CEP128: variants seen among roughly 807,000 people sequenced by gnomAD.
The protein encoded by CEP128 is centrosomal protein 128kDa.
A neutral mutation model predicts 156.7 loss-of-function variants in CEP128; 132 were observed. That is an observed-to-expected ratio of 0.84 (90% CI 0.73 to 0.97). The LOEUF is 0.97. Among genes scored for constraint, CEP128 ranks in the 50% least tolerant of loss-of-function variants. The pLI is 0.00. For missense variants in CEP128, 1,252 were observed against 1,281.9 expected (o/e 0.98, Z 0.36); for synonymous variants, 469 against 448.9 (o/e 1.04, Z -0.57).
chr14:80,829,240 T>A (rs2140035065), intron 13 of CEP128, among the ~76,000 whole-genome samples: 1 of 152,256 alleles, frequency 6.6e-6, no homozygotes, highest in Admixed American at 6.5e-5. Context: ...TTGTTCAAAT[T>A]AAGAAAATCA....
At chr14:80,735,005 GA>G (rs1174012127) in intron 19 of CEP128, among the ~76,000 whole-genome samples, 1 of 151,956 alleles carries the variant, frequency 6.6e-6, no homozygotes, top group East Asian at 1.9e-4. Context: ...CAAACCATAT[GA>G]CCTAACAGGT....
intron 14 of CEP128, 29 bp from the exon 15 acceptor site, chr14:80,785,574 A>C (rs753210888): frequency 2.4e-5 from 36 of 1,509,568 alleles, no homozygotes; most frequent in Non-Finnish European, 2.7e-6. Flanking sequence ...GAAGCAAAAG[A>C]AAAAAATAAA....
chr14:80,698,754 C>G (rs1037274468), intron 19 of CEP128, among the ~76,000 whole-genome samples: 3 of 151,954 alleles, frequency 2.0e-5, no homozygotes, highest in Non-Finnish European at 4.4e-5. Context: ...TTAGACCTAT[C>G]TATATTACCC....
chr14:80,694,557 A>C (rs536898298), intron 19 of CEP128, among the ~76,000 whole-genome samples: 1 of 152,318 alleles, frequency 6.6e-6, no homozygotes, highest in African/African-American at 2.4e-5. Flanking sequence ...ACACCATGGA[A>C]TATATGCAGC....
intron 19 of CEP128, among the ~76,000 whole-genome samples, chr14:80,694,295 G>A (rs191799939): frequency 9.9e-5 from 15 of 152,218 alleles, no homozygotes; most frequent in South Asian, 6.2e-4. Flanking sequence ...TTTTTACGCC[G>A]TTGGTGGGAG....
chr14:80,782,647 C>T (rs754488444), intron 15 of CEP128, among the ~76,000 whole-genome samples: 12 of 152,128 alleles, frequency 7.9e-5, no homozygotes, highest in African/African-American at 1.4e-4. Flanking sequence ...TGGTTTCCTC[C>T]GAATCCTTCA....
chr14:80,893,570 C>T (rs547695634), intron 8 of CEP128, among the ~76,000 whole-genome samples: 1 of 151,114 alleles, frequency 6.6e-6, no homozygotes, highest in African/African-American at 2.4e-5. Flanking sequence ...ATGTAATAAT[C>T]TTTATACTAT....
chr14:80,567,755 A>C (rs555831525), intron 20 of CEP128, among the ~76,000 whole-genome samples: 1 of 152,240 alleles, frequency 6.6e-6, no homozygotes, highest in Admixed American at 6.5e-5. Flanking sequence ...TGGACTGGAG[A>C]ACAACTAAAG....
At chr14:80,758,609 C>G (rs896922262) in intron 17 of CEP128, among the ~76,000 whole-genome samples, 3 of 151,232 alleles carry the variant, frequency 2.0e-5, no homozygotes, top group Non-Finnish European at 2.9e-5. Flanking sequence ...TACTGCATAT[C>G]AAGATGTCAC....
At chr14:80,721,491 T>C (rs1897814804) in intron 19 of CEP128, among the ~76,000 whole-genome samples, 1 of 152,176 alleles carries the variant, frequency 6.6e-6, no homozygotes, top group Non-Finnish European at 1.5e-5. Flanking sequence ...AAATGTAAAA[T>C]ATGTCAATAA....
At chr14:80,862,912 T>C (rs1440010135) in intron 8 of CEP128, 39 bp from the exon 9 acceptor site, 1 of 1,433,094 alleles carries the variant, frequency 7.0e-7, no homozygotes, top group African/African-American at 1.4e-5. Context: ...ATTATAGAGC[T>C]AGCAAGCAAA....
intron 13 of CEP128, among the ~76,000 whole-genome samples, chr14:80,795,790 T>C (rs1356527211): frequency 6.6e-6 from 1 of 152,174 alleles, no homozygotes; most frequent in Non-Finnish European, 1.5e-5. Context: ...ACCCCAAATA[T>C]GTCCTACTTG....
At chr14:80,823,691 C>T (rs190736216) in intron 13 of CEP128, among the ~76,000 whole-genome samples, 8 of 152,268 alleles carry the variant, frequency 5.3e-5, no homozygotes, top group East Asian at 1.9e-4. Flanking sequence ...GGGCTCCCAC[C>T]GCCCTGCACA....
At chr14:80,859,569 T>TA (rs1491517885) in intron 9 of CEP128, among the ~76,000 whole-genome samples, 6 of 147,398 alleles carry the variant, frequency 4.1e-5, no homozygotes, top group Admixed American at 2.0e-4. Flanking sequence ...AATTAATTTT[T>TA]AAAAAAAAGA....
chr14:80,805,650 T>C (rs1456132390), intron 13 of CEP128, among the ~76,000 whole-genome samples: 21 of 152,242 alleles, frequency 1.4e-4, no homozygotes. Context: ...TGACATATGC[T>C]TGCATGTCTT....
At chr14:80,940,630 G>A (rs1886094746) in intron 1 of CEP128, among the ~76,000 whole-genome samples, 1 of 150,724 alleles carries the variant, frequency 6.6e-6, no homozygotes, top group Admixed American at 6.6e-5. Flanking sequence ...AGTGAGCCCA[G>A]ACCGCGCCAC....
At chr14:80,711,108 G>C (rs1469526886) in intron 19 of CEP128, among the ~76,000 whole-genome samples, 1 of 152,054 alleles carries the variant, frequency 6.6e-6, no homozygotes, top group African/African-American at 2.4e-5. Flanking sequence ...TCAAGAAATG[G>C]TTTTCATTGT....
rs188028781 is a variant in CEP128 at position 80,555,647 on chromosome 14, C to T, written c.2880+3632G>A. On this transcript the variant is annotated intron_variant, in intron 21 of 24. Transcript: ENST00000555265. ...AATCCTTTTAACAAACCCTTTTGTT[C>T]ATTACTGCCTTAGACTTCGATAACA... Among the ~76,000 whole-genome samples the T allele has an allele frequency of 8.1e-3, 1,236 of 152,156 alleles. 3 individuals carry two copies. Among genetic ancestry groups the T allele is most frequent in the Non-Finnish European group, 0.013 (882 of 67,928 alleles).
At chr14:80,528,009 TAA>T (rs150743610) in intron 22 of CEP128, among the ~76,000 whole-genome samples, 1 of 150,828 alleles carries the variant, frequency 6.6e-6, no homozygotes, top group Admixed American at 6.6e-5. Context: ...TTTTGGTATG[TAA>T]AAAAAAACAC....
Sources: allele counts gnomAD v4.1 joint callset (sites outside exome capture counted in the v4.1 genomes callset), GRCh38; gene constraint gnomAD v4.1.1; transcripts MANE v1.5; gene names NCBI Gene and HGNC (gene_info 2026-07-23, HGNC 2026-07-21).